TRAPPC9: variants seen among roughly 807,000 people sequenced by gnomAD.
TRAPPC9 encodes IKK2 binding protein.
A neutral mutation model predicts 124.0 loss-of-function variants in TRAPPC9; 83 were observed. The observed-to-expected ratio is 0.67, with a 90% CI of 0.56 to 0.80. The LOEUF is 0.80. Ranked by LOEUF, TRAPPC9 falls within the 30% of genes least tolerant of loss-of-function variation. TRAPPC9 has a pLI of 0.00. For synonymous variants in TRAPPC9, 638 were observed against 617.5 expected (o/e 1.03, Z -0.49); for missense variants, 1,302 against 1,508.3 (o/e 0.86, Z 2.27).
chr8:139,852,138 T>C (rs1004157793), intron 21 of TRAPPC9, among the ~76,000 whole-genome samples: 5 of 152,192 alleles, frequency 3.3e-5, no homozygotes, highest in African/African-American at 7.2e-5. Context: ...CATAAGCTCT[T>C]TCTTTGCCTG....
intron 21 of TRAPPC9, among the ~76,000 whole-genome samples, chr8:139,785,583 G>A (rs907301836): frequency 6.8e-6 from 1 of 146,596 alleles, no homozygotes; most frequent in Admixed American, 6.8e-5. Flanking sequence ...CACACAATTA[G>A]CTGGGTGTGG....
chr8:139,899,049 G>A lies in TRAPPC9; in HGVS notation c.2964+11098C>T, dbSNP rs561983995. Reference sequence around the variant, plus strand: ...GCAGAAGAATTGCTTGAACCCAGGAGGCAGAGGCTGCAGTGAGCCGAGATC... The same window carrying A: ...GCAGAAGAATTGCTTGAACCCAGGAAGCAGAGGCTGCAGTGAGCCGAGATC... On this transcript the variant is annotated intron_variant, in intron 20 of 22. Coordinates refer to ENST00000438773, the MANE Select transcript of TRAPPC9 (RefSeq NM_001160372.4). Among the ~76,000 whole-genome samples the A allele has an allele frequency of 9.1e-5, 13 of 143,530 alleles. No homozygotes were observed. The South Asian group carries it at 2.9e-3, about 31-fold the overall frequency. The allele number at this position is 143,530 out of a possible 152,430, so 94.2% of individuals were successfully genotyped here.
intron 7 of TRAPPC9, among the ~76,000 whole-genome samples, chr8:140,392,833 T>C (rs1415071852): frequency 1.3e-5 from 2 of 152,206 alleles, no homozygotes. Flanking sequence ...CACAAGCCTG[T>C]AAACTGTCTG....
intron 17 of TRAPPC9, among the ~76,000 whole-genome samples, chr8:140,041,897 A>C (rs1841296913): frequency 6.6e-6 from 1 of 152,004 alleles, no homozygotes; most frequent in South Asian, 2.1e-4. Context: ...GCTTGAACCC[A>C]GGGGTGGAGG....
chr8:140,006,610 C>A (rs1380212613), intron 18 of TRAPPC9, among the ~76,000 whole-genome samples: 1 of 152,196 alleles, frequency 6.6e-6, no homozygotes, highest in African/African-American at 2.4e-5. Flanking sequence ...AAATGTCCAT[C>A]AACTAATGAA....
chr8:140,266,513 A>G (rs2064661224), intron 15 of TRAPPC9, among the ~76,000 whole-genome samples: 1 of 151,088 alleles, frequency 6.6e-6, no homozygotes, highest in Admixed American at 6.6e-5. Flanking sequence ...AAACTAGAAG[A>G]ATTACATGAC....
intron 21 of TRAPPC9, among the ~76,000 whole-genome samples, chr8:139,853,056 A>G (rs1012601862): frequency 2.6e-5 from 4 of 152,158 alleles, no homozygotes; most frequent in Non-Finnish European, 2.9e-5. Flanking sequence ...CTTCCCAAGA[A>G]GTGTTCCGTG....
At chr8:139,929,455 G>A (rs1445502941) in intron 19 of TRAPPC9, among the ~76,000 whole-genome samples, 1 of 152,176 alleles carries the variant, frequency 6.6e-6, no homozygotes, top group East Asian at 1.9e-4. Flanking sequence ...AAGGGAGGGG[G>A]CCGAGCGTGG....
At chr8:139,946,963 G>A (rs1028590503) in intron 19 of TRAPPC9, among the ~76,000 whole-genome samples, 3 of 152,014 alleles carry the variant, frequency 2.0e-5, no homozygotes, top group South Asian at 2.1e-4. Context: ...CTCCAGCCTG[G>A]ACAACACAGT....
intron 21 of TRAPPC9, among the ~76,000 whole-genome samples, chr8:139,738,870 G>A (rs1479897431): frequency 6.6e-6 from 1 of 152,136 alleles, no homozygotes; most frequent in Admixed American, 6.5e-5. Flanking sequence ...ACAGCTCTCT[G>A]AGCCTCGGTT....
chr8:139,770,185 G>A (rs1360464091), intron 21 of TRAPPC9, among the ~76,000 whole-genome samples: 6 of 152,214 alleles, frequency 3.9e-5, no homozygotes, highest in Non-Finnish European at 7.3e-5. Context: ...CTGCCAGCCC[G>A]TTACTCCTGG....
At chr8:139,829,507 G>A (rs1447413066) in intron 21 of TRAPPC9, among the ~76,000 whole-genome samples, 2 of 152,218 alleles carry the variant, frequency 1.3e-5, no homozygotes, top group Admixed American at 6.5e-5. Context: ...AAACACACGA[G>A]TGCAATCTAC....
intron 19 of TRAPPC9, among the ~76,000 whole-genome samples, chr8:139,934,268 T>G (rs1833376126): frequency 2.0e-5 from 3 of 150,022 alleles, no homozygotes; most frequent in African/African-American, 7.3e-5. Flanking sequence ...AATCCCTGAC[T>G]TCAAGTCCAG....
chr8:140,180,718 C>G (rs1050399162), intron 17 of TRAPPC9, among the ~76,000 whole-genome samples: 2 of 150,048 alleles, frequency 1.3e-5, no homozygotes, highest in Non-Finnish European at 3.0e-5. Context: ...AGATCAAATT[C>G]CACTGTCTTC....
At position 139,895,076 on chromosome 8, in the gene TRAPPC9, G is replaced by C. The variant is rs141481435; in HGVS notation, c.2965-9107C>G. On this transcript the variant is annotated intron_variant, in intron 20 of 22. Transcript: ENST00000438773. ...CTCAACCACACGTCCCGGGCTACTC[G>C]GGGACAGAACGGCCACCCCCGGAGC... 4.7e-3 allele frequency among the ~76,000 whole-genome samples: 722 copies of C among 152,162 alleles called. 7 individuals are homozygous for C. Among genetic ancestry groups the C allele is most frequent in the East Asian group, 0.018 (95 of 5,174 alleles).
At chr8:140,397,059 T>C (rs563475784) in intron 7 of TRAPPC9, among the ~76,000 whole-genome samples, 1 of 152,316 alleles carries the variant, frequency 6.6e-6, no homozygotes, top group East Asian at 1.9e-4. Context: ...AGTTTCCCTA[T>C]CTATAAAGAT....
At chr8:140,349,074 T>C (rs975237248) in intron 9 of TRAPPC9, among the ~76,000 whole-genome samples, 3 of 68,394 alleles carry the variant, frequency 4.4e-5, no homozygotes, top group African/African-American at 5.8e-5. Context: ...CAGAGGGGGC[T>C]GAAGGGGGGC....
chr8:140,031,324 C>T (rs1001277739), intron 17 of TRAPPC9, among the ~76,000 whole-genome samples: 1 of 152,204 alleles, frequency 6.6e-6, no homozygotes, highest in Non-Finnish European at 1.5e-5. Flanking sequence ...CAGATGTTGC[C>T]TGAGGTTTTG....
At chr8:140,138,571 A>G (rs1241199406) in intron 17 of TRAPPC9, among the ~76,000 whole-genome samples, 4 of 151,844 alleles carry the variant, frequency 2.6e-5, no homozygotes, top group Non-Finnish European at 5.9e-5. Flanking sequence ...ATTTATGGTA[A>G]TTTTCAGTTC....
Sources: allele counts gnomAD v4.1 joint callset (sites outside exome capture counted in the v4.1 genomes callset), GRCh38; gene constraint gnomAD v4.1.1; transcripts MANE v1.5; gene names NCBI Gene and HGNC (gene_info 2026-07-23, HGNC 2026-07-21).